DPYD: variants seen among roughly 807,000 people sequenced by gnomAD.
DPYD encodes dihydropyrimidine dehydrogenase [NADP(+)].
Under a neutral mutation model 116.2 loss-of-function variants are expected in DPYD, and 109 were observed. The ratio of observed to expected loss-of-function variants is 0.94; its 90% CI spans 0.80 to 1.10. DPYD has a LOEUF of 1.10. Among genes scored for constraint, DPYD ranks in the 50% least tolerant of loss-of-function variants. DPYD has a pLI of 0.00. For missense variants in DPYD, 1,302 were observed against 1,254.5 expected (o/e 1.04, Z -0.57); for synonymous variants, 440 against 432.0 (o/e 1.02, Z -0.23).
intron 10 of DPYD, among the ~76,000 whole-genome samples, chr1:97,577,391 GCC>G (rs144506302): frequency 6.6e-6 from 1 of 152,294 alleles, no homozygotes; most frequent in African/African-American, 2.4e-5. Flanking sequence ...CACAGTGACT[GCC>G]TCTCAGTCAA....
chr1:97,110,331 T>A (rs949394234), intron 20 of DPYD, among the ~76,000 whole-genome samples: 3 of 152,080 alleles, frequency 2.0e-5, no homozygotes, highest in Non-Finnish European at 4.4e-5. Context: ...GAATTAAACA[T>A]AAACAATCCC....
At chr1:97,817,573 C>T (rs1029578451) in intron 3 of DPYD, among the ~76,000 whole-genome samples, 8 of 151,866 alleles carry the variant, frequency 5.3e-5, no homozygotes, top group Admixed American at 1.3e-4. Context: ...ATAATTAGAA[C>T]GAGTAATAAA....
chr1:97,440,149 C>T (rs1675691104), intron 14 of DPYD, among the ~76,000 whole-genome samples: 1 of 151,882 alleles, frequency 6.6e-6, no homozygotes, highest in Admixed American at 6.6e-5. Flanking sequence ...GTGACGCATG[C>T]CTGTAATCCC....
intron 20 of DPYD, among the ~76,000 whole-genome samples, chr1:97,117,464 T>C (rs932654883): frequency 1.3e-5 from 2 of 152,226 alleles, no homozygotes; most frequent in African/African-American, 4.8e-5. Context: ...CTTATCATGT[T>C]TCTTATGTAC....
chr1:97,311,956 CAG>C (rs1217107226), intron 16 of DPYD, among the ~76,000 whole-genome samples: 1 of 150,118 alleles, frequency 6.7e-6, no homozygotes, highest in Non-Finnish European at 1.5e-5. Flanking sequence ...TTAAAGTGGA[CAG>C]AGAGGGTTGT....
intron 2 of DPYD, among the ~76,000 whole-genome samples, chr1:97,869,712 C>T (rs1483286865): frequency 6.6e-6 from 1 of 151,684 alleles, no homozygotes; most frequent in Admixed American, 6.6e-5. Context: ...ATTGGTATCC[C>T]TCATATATTT....
At chr1:97,399,754 GTTAT>G (rs1311996254) in intron 14 of DPYD, among the ~76,000 whole-genome samples, 1 of 152,010 alleles carries the variant, frequency 6.6e-6, no homozygotes, top group Non-Finnish European at 1.5e-5. Flanking sequence ...CTGTTTGTCT[GTTAT>G]TGGTGTTTAA....
chr1:97,813,313 T>C (rs533831067), intron 3 of DPYD, among the ~76,000 whole-genome samples: 11 of 152,238 alleles, frequency 7.2e-5, no homozygotes, highest in Admixed American at 2.0e-4. Context: ...TACCTCTGGG[T>C]GAGAAATGTC....
intron 19 of DPYD, among the ~76,000 whole-genome samples, chr1:97,206,936 A>C (rs1163733118): frequency 6.6e-6 from 1 of 151,694 alleles, no homozygotes; most frequent in Non-Finnish European, 1.5e-5. Context: ...TATTATATCA[A>C]ATAAAACATA....
rs1557672480 is a variant in DPYD, at chr1:97,382,421, T to C, written c.1946A>G (p.Asp649Gly). 2.5e-6 allele frequency: 4 copies of C among 1,599,130 alleles called. No homozygotes were observed. The highest frequency in any genetic ancestry group is 3.4e-6 in the Non-Finnish European group (4 of 1,172,486). Residue 649 changes from aspartate (D) to glycine (G), a missense_variant, in exon 15 of 23, where the codon GAC becomes GGC. Physicochemically the swap from Asp to Gly is moderately conservative, Grantham distance 94. Coordinates refer to ENST00000370192, the MANE Select transcript of DPYD (RefSeq NM_000110.4). ...AGACTTCTTGGCAAGTTCCGTCCAGTCATTTTTATTGTAACTGCACATAAT... is the reference window on the plus strand; with the variant it reads ...AGACTTCTTGGCAAGTTCCGTCCAGCCATTTTTATTGTAACTGCACATAAT... ...ASIMCSYNKN[D>G]WTELAKKSED...
chr1:97,390,673 C>T (rs933820037), intron 14 of DPYD, among the ~76,000 whole-genome samples: 10 of 151,794 alleles, frequency 6.6e-5, no homozygotes, highest in African/African-American at 1.2e-4. Flanking sequence ...TATTTTGGGG[C>T]TGACAAATGT....
chr1:97,865,614 A>T (rs1440638925), intron 2 of DPYD, among the ~76,000 whole-genome samples: 1 of 151,982 alleles, frequency 6.6e-6, no homozygotes, highest in Non-Finnish European at 1.5e-5. Context: ...TAAAAATAAC[A>T]GTAAATGTGT....
At chr1:97,546,886 G>A in intron 12 of DPYD, 1 of 1,609,536 alleles carries the variant, frequency 6.2e-7, no homozygotes, top group Non-Finnish European at 8.5e-7. Context: ...AATAGAGGGG[G>A]ATGAAGACCA....
intron 16 of DPYD, among the ~76,000 whole-genome samples, chr1:97,327,349 T>TGAC (rs1237141110): frequency 1.3e-5 from 2 of 152,064 alleles, no homozygotes; most frequent in Non-Finnish European, 2.9e-5. Context: ...CATATCTACT[T>TGAC]GTCTTACCTT....
At chr1:97,658,930 T>C (rs902463853) in intron 8 of DPYD, among the ~76,000 whole-genome samples, 5 of 152,108 alleles carry the variant, frequency 3.3e-5, no homozygotes, top group African/African-American at 1.2e-4. Flanking sequence ...TCTGGAACCA[T>C]CTTTCAGAAA....
At chr1:97,322,274 A>AG (rs1316643194) in intron 16 of DPYD, among the ~76,000 whole-genome samples, 6 of 135,640 alleles carry the variant, frequency 4.4e-5, no homozygotes, top group Non-Finnish European at 1.0e-4. Context: ...GGAATTAGGA[A>AG]GGGAAAAAAA....
chr1:97,677,391 T>C (rs1571174212), intron 8 of DPYD, among the ~76,000 whole-genome samples: 1 of 152,138 alleles, frequency 6.6e-6, no homozygotes, highest in African/African-American at 2.4e-5. Context: ...ATTATTAGTA[T>C]TGCAGACCTA....
chr1:97,576,528 A>T (rs1297424604), intron 10 of DPYD, among the ~76,000 whole-genome samples: 1 of 152,226 alleles, frequency 6.6e-6, no homozygotes, highest in Admixed American at 6.5e-5. Context: ...GGAAACAAAA[A>T]ATTGGACATG....
chr1:97,785,737 GGCTGGAGTGCA>G (rs1323588930), intron 3 of DPYD, among the ~76,000 whole-genome samples: 1 of 129,428 alleles, frequency 7.7e-6, no homozygotes, highest in Non-Finnish European at 1.5e-5. Context: ...CTGTCACCCA[GGCTGGAGTGCA>G]GTGGCACATT....
Sources: gnomAD v4.1 joint callset for allele counts (sites outside exome capture counted in the v4.1 genomes callset) on GRCh38, gnomAD v4.1.1 for gene constraint, MANE v1.5 for transcripts, NCBI Gene and HGNC (gene_info 2026-07-23, HGNC 2026-07-21) for gene names.